CSMD1: variants seen among roughly 807,000 people sequenced by gnomAD.
CSMD1 encodes the protein CUB and Sushi multiple domains 1.
CSMD1 carries 213 observed loss-of-function variants against 417.5 expected under a neutral mutation model. That is an observed-to-expected ratio of 0.51 (90% CI 0.46 to 0.57). The LOEUF is 0.57. Among genes scored for constraint, CSMD1 ranks in the 20% least tolerant of loss-of-function variants. The pLI is 0.00. For missense variants in CSMD1, 6,923 were observed against 4,529.7 expected, an observed-to-expected ratio of 1.53 and a Z score of -15.17; for synonymous variants, 2,862 against 1,736.8, an observed-to-expected ratio of 1.65 and a Z score of -16.11.
intron 37 of CSMD1, among the ~76,000 whole-genome samples, chr8:3,177,438 G>A (rs975488394): frequency 7.2e-5 from 11 of 152,180 alleles, no homozygotes; most frequent in South Asian, 2.1e-4. Context: ...CTGCAGGGGT[G>A]CAGCAAAACC....
At chr8:4,539,485 T>C (rs1178449932) in intron 2 of CSMD1, among the ~76,000 whole-genome samples, 3 of 152,190 alleles carry the variant, frequency 2.0e-5, no homozygotes, top group Non-Finnish European at 2.9e-5. Flanking sequence ...TATAAGCAAA[T>C]ATCTTTCCCC....
intron 23 of CSMD1, among the ~76,000 whole-genome samples, chr8:3,338,401 A>C (rs1235076587): frequency 6.6e-6 from 1 of 152,222 alleles, no homozygotes; most frequent in African/African-American, 2.4e-5. Context: ...AAATTGTGTA[A>C]ATCAAAACAC....
intron 1 of CSMD1, among the ~76,000 whole-genome samples, chr8:4,783,786 C>A (rs1037000882): frequency 1.3e-5 from 2 of 152,152 alleles, no homozygotes; most frequent in African/African-American, 2.4e-5. Context: ...TCATTTGTAA[C>A]TGTGGAGGCT....
At chr8:4,423,805 T>G (rs1154044) in intron 2 of CSMD1, among the ~76,000 whole-genome samples, 8 of 151,838 alleles carry the variant, frequency 5.3e-5, no homozygotes, top group African/African-American at 1.9e-4. Context: ...TCACCTGATT[T>G]CAAGACTTAT....
chr8:4,718,165 C>T (rs1808809649), intron 1 of CSMD1, among the ~76,000 whole-genome samples: 1 of 152,078 alleles, frequency 6.6e-6, no homozygotes, highest in Admixed American at 6.6e-5. Context: ...TTTGTACAGA[C>T]AGGGTCTACC....
chr8:4,841,084 G>A (rs1394869431), intron 1 of CSMD1, among the ~76,000 whole-genome samples: 2 of 152,180 alleles, frequency 1.3e-5, no homozygotes, highest in African/African-American at 2.4e-5. Context: ...AAGAGCACCT[G>A]CTCTAAAGGA....
rs1421762080 is a variant in CSMD1 at position 3,468,769 on chromosome 8, G to C, written c.1504C>G (p.Leu502Val). The C allele has an allele frequency of 1.2e-6, 2 of 1,606,878 alleles. No homozygotes were observed. Among genetic ancestry groups the C allele is most frequent in the African/African-American group, 2.7e-5 (2 of 74,812 alleles). Residue 502 changes from leucine to valine, a missense_variant, in exon 12 of 70, where the codon CTA (leucine) becomes GTA (valine). By Grantham distance (32) the Leu-to-Val change is conservative. Transcript: ENST00000635120. The stretch of plus-strand genomic sequence containing the variant: ...ATGCTATCATCCGACTGCAGATGTA[G>C]CCACATCTGGTTGCTCATGCTCACA... ...LIVSMSNQMW[L>V]HLQSDDSIGS... is the part of the protein sequence containing the mutation.
At chr8:3,771,687 C>A (rs528025562) in intron 5 of CSMD1, among the ~76,000 whole-genome samples, 2 of 152,116 alleles carry the variant, frequency 1.3e-5, no homozygotes, top group Non-Finnish European at 2.9e-5. Context: ...AACGGAGAGG[C>A]CCCTAAAGAC....
intron 39 of CSMD1, among the ~76,000 whole-genome samples, chr8:3,152,610 G>C (rs1307246275): frequency 6.6e-6 from 1 of 152,088 alleles, no homozygotes; most frequent in Admixed American, 6.6e-5. Context: ...CTCAAGCCAG[G>C]GCACCATATT....
intron 3 of CSMD1, among the ~76,000 whole-genome samples, chr8:4,389,022 TTAAG>T (rs1402920567): frequency 1.3e-5 from 2 of 152,236 alleles, no homozygotes; most frequent in African/African-American, 4.8e-5. Context: ...CTAACCAGCA[TTAAG>T]TAAGCATGCA....
chr8:3,825,912 C>G (rs551464306), intron 5 of CSMD1, among the ~76,000 whole-genome samples: 4 of 152,200 alleles, frequency 2.6e-5, no homozygotes, highest in Non-Finnish European at 5.9e-5. Flanking sequence ...ATCAGACATG[C>G]AGGTAAGAAT....
At chr8:3,578,910 G>A (rs548758685) in intron 9 of CSMD1, among the ~76,000 whole-genome samples, 11 of 152,292 alleles carry the variant, frequency 7.2e-5, no homozygotes, top group Admixed American at 1.3e-4. Context: ...ATCTCTCTCC[G>A]TAAGTTGCCA....
intron 3 of CSMD1, among the ~76,000 whole-genome samples, chr8:4,359,989 C>T (rs1361216725): frequency 6.6e-6 from 1 of 152,326 alleles, no homozygotes; most frequent in East Asian, 1.9e-4. Context: ...TAGCCAAATG[C>T]CACTGCCATC....
At chr8:4,399,174 A>G (rs1340048968) in intron 3 of CSMD1, among the ~76,000 whole-genome samples, 1 of 152,204 alleles carries the variant, frequency 6.6e-6, no homozygotes, top group Non-Finnish European at 1.5e-5. Flanking sequence ...ACAGATTAAT[A>G]AATAAAGATG....
At chr8:3,523,724 T>G (rs1162697478) in intron 10 of CSMD1, among the ~76,000 whole-genome samples, 1 of 142,250 alleles carries the variant, frequency 7.0e-6, no homozygotes, top group Non-Finnish European at 1.5e-5. Flanking sequence ...CACATATGCA[T>G]GCACACTCAG....
At chr8:4,763,297 G>C (rs543464304) in intron 1 of CSMD1, among the ~76,000 whole-genome samples, 1 of 152,134 alleles carries the variant, frequency 6.6e-6, no homozygotes, top group African/African-American at 2.4e-5. Flanking sequence ...TAGATATAAA[G>C]TAACTCTTTC....
intron 12 of CSMD1, among the ~76,000 whole-genome samples, chr8:3,459,419 G>A (rs1241794991): frequency 1.3e-5 from 2 of 152,152 alleles, no homozygotes; most frequent in African/African-American, 2.4e-5. Flanking sequence ...CAGCACCAGT[G>A]CCACAGGAAT....
At chr8:3,494,211 T>C (rs998486644) in intron 10 of CSMD1, among the ~76,000 whole-genome samples, 35 of 152,224 alleles carry the variant, frequency 2.3e-4, no homozygotes, top group African/African-American at 7.7e-4. Context: ...CTCCTCTATA[T>C]TTAGTCTTGC....
intron 5 of CSMD1, among the ~76,000 whole-genome samples, chr8:3,790,213 C>G (rs1279201545): frequency 6.6e-6 from 1 of 152,158 alleles, no homozygotes; most frequent in African/African-American, 2.4e-5. Flanking sequence ...ATCAGTGCTG[C>G]CTACACAAAA....
Sources: gnomAD v4.1 joint callset for allele counts (sites outside exome capture counted in the v4.1 genomes callset) on GRCh38, gnomAD v4.1.1 for gene constraint, MANE v1.5 for transcripts, NCBI Gene and HGNC (gene_info 2026-07-23, HGNC 2026-07-21) for gene names.